LRRC37A2: variants seen among roughly 807,000 people sequenced by gnomAD.
LRRC37A2 encodes the protein leucine-rich repeat-containing protein 37A2.
A neutral mutation model predicts 68.8 loss-of-function variants in LRRC37A2; 9 were observed. The ratio of observed to expected loss-of-function variants is 0.13; its 90% CI spans 0.08 to 0.23. The LOEUF (loss-of-function observed/expected upper bound fraction) is 0.23. LRRC37A2 is among the 10% of genes least tolerant of loss of function. LRRC37A2 has a pLI of 1.00. For synonymous variants in LRRC37A2, 63 were observed against 367.6 expected (o/e 0.17, Z 9.48); for missense variants, 168 against 950.4 (o/e 0.18, Z 10.82).
the LRRC37A2 span, among the ~76,000 whole-genome samples, chr17:46,862,576 T>C: frequency 6.6e-6 from 1 of 152,134 alleles, no homozygotes; most frequent in East Asian, 1.9e-4. Flanking sequence ...CTGAGTTTTT[T>C]TTGTTTGTTT....
At chr17:46,993,187 T>C in the LRRC37A2 span, among the ~76,000 whole-genome samples, 623 of 152,346 alleles carry the variant, frequency 4.1e-3, 5 homozygotes, top group Non-Finnish European at 7.7e-3. Flanking sequence ...CATGTACTTT[T>C]TGTTTTAGGC....
chr17:46,981,512 G>A, the LRRC37A2 span, among the ~76,000 whole-genome samples: 1 of 152,072 alleles, frequency 6.6e-6, no homozygotes, highest in Non-Finnish European at 1.5e-5. Context: ...GATAGATGCT[G>A]GCCACTCGAT....
rs1471201498 is a variant in LRRC37A2 at position 46,535,045 on chromosome 17, C to T, written c.2907-5131C>T. Among the ~76,000 whole-genome samples the T allele has an allele frequency of 2.9e-4, 44 of 149,422 alleles. 1 individual carries two copies. The highest frequency in any genetic ancestry group is 7.4e-4 in the African/African-American group (29 of 39,300). On this transcript the variant is annotated intron_variant, in intron 6 of 14. Coordinates refer to ENST00000576629, the Ensembl canonical transcript of LRRC37A2. ...GCAGAGGCGCTCCTCACATCCCAGACGGGCATGCCCAGTTATTTTCAAATT... is the reference window on the plus strand; with the variant it reads ...GCAGAGGCGCTCCTCACATCCCAGATGGGCATGCCCAGTTATTTTCAAATT...
the LRRC37A2 span, among the ~76,000 whole-genome samples, chr17:47,006,192 C>G: frequency 6.6e-6 from 1 of 152,024 alleles, no homozygotes; most frequent in Non-Finnish European, 1.5e-5. Context: ...TTTTTTTTCC[C>G]TCTGTTTTCT....
At chr17:46,699,197 G>GT in the LRRC37A2 span, among the ~76,000 whole-genome samples, 2 of 104,348 alleles carry the variant, frequency 1.9e-5, no homozygotes, top group Admixed American at 9.9e-5. Flanking sequence ...CTGTTAAACT[G>GT]TTTTTTCAGG....
At chr17:46,983,907 C>G in the LRRC37A2 span, 1 of 152,294 alleles carries the variant, frequency 6.6e-6, no homozygotes, top group African/African-American at 2.4e-5. Context: ...ACCCCTTACA[C>G]GGCTGTTGGC....
the LRRC37A2 span, chr17:46,763,831 C>CAAAAAAAAAAA: frequency 8.1e-6 from 1 of 123,680 alleles, no homozygotes. Flanking sequence ...CCACTACCAC[C>CAAAAAAAAAAA]AAAAAAAAAA....
At chr17:46,534,827 G>C (rs8078584) in intron 6 of LRRC37A2, among the ~76,000 whole-genome samples, 2,501 of 147,430 alleles carry the variant, frequency 0.017, 242 homozygotes, top group African/African-American at 0.062. Flanking sequence ...GGCGGGGGCT[G>C]GCCCCCACCT....
At chr17:46,691,404 G>C in the LRRC37A2 span, among the ~76,000 whole-genome samples, 1 of 111,106 alleles carries the variant, frequency 9.0e-6, no homozygotes, top group African/African-American at 3.8e-5. Flanking sequence ...AGACCAGCCT[G>C]GCAAACATGG....
the LRRC37A2 span, among the ~76,000 whole-genome samples, chr17:46,866,641 G>A: frequency 6.6e-6 from 1 of 152,054 alleles, no homozygotes; most frequent in African/African-American, 2.4e-5. Context: ...AGCACCCCGG[G>A]CAGCACAAGG....
At chr17:46,613,120 T>A in the LRRC37A2 span, among the ~76,000 whole-genome samples, 1 of 42,046 alleles carries the variant, frequency 2.4e-5, no homozygotes, top group Non-Finnish European at 6.8e-5. Context: ...AAAAAAAAAA[T>A]TGTTTTAATT....
At chr17:46,779,073 A>ACC in the LRRC37A2 span, among the ~76,000 whole-genome samples, 1 of 144,564 alleles carries the variant, frequency 6.9e-6, no homozygotes, top group East Asian at 2.3e-4. Flanking sequence ...ACACACACAC[A>ACC]CACACACACA....
chr17:46,707,073 A>C, the LRRC37A2 span, among the ~76,000 whole-genome samples: 1 of 151,590 alleles, frequency 6.6e-6, no homozygotes, highest in African/African-American at 2.4e-5. Context: ...CTGGTCTCGA[A>C]CTCCTGACCT....
the LRRC37A2 span, chr17:46,818,857 C>A: frequency 1.3e-5 from 7 of 547,090 alleles, no homozygotes; most frequent in Non-Finnish European, 2.0e-5. Flanking sequence ...GCGCCCCTCC[C>A]GCCCGGCCCA....
At chr17:46,833,355 C>T in the LRRC37A2 span, 7 of 518,218 alleles carry the variant, frequency 1.4e-5, no homozygotes, top group African/African-American at 5.8e-5. Context: ...CATGAAAGGA[C>T]GGGCAGTTTC....
chr17:46,989,695 G>T, the LRRC37A2 span, among the ~76,000 whole-genome samples: 1 of 152,252 alleles, frequency 6.6e-6, no homozygotes, highest in Non-Finnish European at 1.5e-5. Context: ...AACTGAAAGC[G>T]TAATGTAAGC....
chr17:46,768,172 C>T, the LRRC37A2 span: 21,107 of 1,246,776 alleles, frequency 0.017, 258 homozygotes, highest in Non-Finnish European at 0.02. The surrounding 1 kb of genome is among the most constrained non-coding windows in gnomAD (Gnocchi z 5.0). Flanking sequence ...AAAATCCTAG[C>T]TTCCTATTTT....
the LRRC37A2 span, among the ~76,000 whole-genome samples, chr17:46,395,506 G>T: frequency 4.7e-5 from 3 of 64,454 alleles, no homozygotes; most frequent in Admixed American, 1.9e-4. Context: ...GCAAGACCTT[G>T]TTTCTACAAA....
At chr17:46,732,939 G>T in the LRRC37A2 span, among the ~76,000 whole-genome samples, 1 of 152,220 alleles carries the variant, frequency 6.6e-6, no homozygotes, top group African/African-American at 2.4e-5. Flanking sequence ...AGGCATGGGG[G>T]TGCTCACTGT....
Sources: gnomAD v4.1 joint callset for allele counts (sites outside exome capture counted in the v4.1 genomes callset) on GRCh38, gnomAD v4.1.1 for gene constraint, Gnocchi (gnomAD v3.1) non-coding constraint, MANE v1.5 for transcripts, NCBI Gene and HGNC (gene_info 2026-07-23, HGNC 2026-07-21) for gene names.